FAM13C: variants seen among roughly 807,000 people sequenced by gnomAD.
FAM13C encodes protein FAM13C.
In FAM13C, 37 loss-of-function variants were observed where a neutral mutation model predicts 73.2. The observed-to-expected ratio is 0.51, with a 90% CI of 0.39 to 0.67. The LOEUF (loss-of-function observed/expected upper bound fraction) is 0.67. Among genes scored for constraint, FAM13C ranks in the 30% least tolerant of loss-of-function variants. FAM13C has a pLI of 0.00. For synonymous variants in FAM13C, 246 were observed against 260.9 expected, an observed-to-expected ratio of 0.94 and a Z score of 0.55; for missense variants, 589 against 715.6, an observed-to-expected ratio of 0.82 and a Z score of 2.02.
At chr10:59,339,687 C>T (rs1308866559) in intron 3 of FAM13C, among the ~76,000 whole-genome samples, 1 of 152,122 alleles carries the variant, frequency 6.6e-6, no homozygotes, top group African/African-American at 2.4e-5. Context: ...CGTTACCAAA[C>T]CTAATTTGGA....
intron 3 of FAM13C, among the ~76,000 whole-genome samples, chr10:59,332,252 G>C (rs1238089220): frequency 6.6e-6 from 1 of 152,104 alleles, no homozygotes; most frequent in Non-Finnish European, 1.5e-5. Flanking sequence ...GTGTGTGTGT[G>C]TGTGTATTAT....
At chr10:59,276,733 G>C (rs1009728818) in intron 6 of FAM13C, among the ~76,000 whole-genome samples, 1 of 152,150 alleles carries the variant, frequency 6.6e-6, no homozygotes, top group Non-Finnish European at 1.5e-5. Context: ...CATGGAAGAA[G>C]AAATTTTTAA....
At chr10:59,304,912 C>A (rs930377962) in intron 4 of FAM13C, among the ~76,000 whole-genome samples, 7 of 151,314 alleles carry the variant, frequency 4.6e-5, no homozygotes, top group African/African-American at 1.7e-4. Context: ...AAGAGTCTGG[C>A]TTCCTTGGTT....
intron 4 of FAM13C, among the ~76,000 whole-genome samples, chr10:59,304,970 C>G (rs915673859): frequency 2.0e-5 from 3 of 152,160 alleles, no homozygotes; most frequent in Non-Finnish European, 2.9e-5. Flanking sequence ...TTCAAGCCAA[C>G]TCCCCTTTGC....
At chr10:59,291,538 C>G (rs1304713084) in intron 5 of FAM13C, among the ~76,000 whole-genome samples, 2 of 152,150 alleles carry the variant, frequency 1.3e-5, no homozygotes, top group African/African-American at 2.4e-5. Context: ...CTTTAAGGAG[C>G]CTTCTGTTGA....
chr10:59,343,867 C>T (rs1289969979), intron 3 of FAM13C, among the ~76,000 whole-genome samples: 1 of 152,058 alleles, frequency 6.6e-6, no homozygotes, highest in African/African-American at 2.4e-5. Flanking sequence ...TCAGCCTAGC[C>T]CACCACATGA....
chr10:59,283,273 C>T (rs563421443), intron 6 of FAM13C, 90 bp downstream of exon 6: 2 of 1,386,770 alleles, frequency 1.4e-6, no homozygotes, highest in East Asian at 4.6e-5. Context: ...GCACTGTTTT[C>T]CCTCAGGGGC....
chr10:59,345,886 C>T (rs1338375290), intron 3 of FAM13C, among the ~76,000 whole-genome samples: 1 of 152,172 alleles, frequency 6.6e-6, no homozygotes, highest in Non-Finnish European at 1.5e-5. Flanking sequence ...AATAATACAA[C>T]ATGAACTAAG....
At chr10:59,355,307 C>T (rs1855567384) in intron 2 of FAM13C, among the ~76,000 whole-genome samples, 1 of 152,166 alleles carries the variant, frequency 6.6e-6, no homozygotes, top group African/African-American at 2.4e-5. Flanking sequence ...AGTAAGTGGA[C>T]TTTAAAGTCA....
chr10:59,328,541 A>G (rs544100508), intron 3 of FAM13C, among the ~76,000 whole-genome samples: 11 of 152,262 alleles, frequency 7.2e-5, no homozygotes, highest in African/African-American at 2.4e-4. Flanking sequence ...CACCATTCTA[A>G]TCCCAGATCT....
chr10:59,362,365 T>G (rs939690737), intron 1 of FAM13C, 34 bp downstream of exon 1: 4 of 1,610,434 alleles, frequency 2.5e-6, no homozygotes, highest in Non-Finnish European at 2.5e-6. Flanking sequence ...GAGAAAGGCA[T>G]GCAAGTCTAA....
intron 3 of FAM13C, among the ~76,000 whole-genome samples, chr10:59,325,783 A>T (rs911702664): frequency 6.6e-6 from 1 of 152,192 alleles, no homozygotes; most frequent in Non-Finnish European, 1.5e-5. Flanking sequence ...AAATTTTCTT[A>T]AAGCTCAATA....
intron 3 of FAM13C, among the ~76,000 whole-genome samples, chr10:59,326,705 C>T (rs917204228): frequency 6.6e-6 from 1 of 152,110 alleles, no homozygotes; most frequent in Non-Finnish European, 1.5e-5. Context: ...GGGCAAATAG[C>T]CCCAGCAAAG....
At chr10:59,345,627 T>G (rs1045388202) in intron 3 of FAM13C, among the ~76,000 whole-genome samples, 5 of 152,334 alleles carry the variant, frequency 3.3e-5, no homozygotes, top group African/African-American at 9.6e-5. Flanking sequence ...CAGAATCTGA[T>G]AGACCACAGG....
chr10:59,317,362 C>A (rs1330933472), intron 4 of FAM13C, among the ~76,000 whole-genome samples: 1 of 152,074 alleles, frequency 6.6e-6, no homozygotes, highest in Non-Finnish European at 1.5e-5. Flanking sequence ...CTCCTATAAT[C>A]ATTATTGAAA....
chr10:59,298,386 G>A, intron 5 of FAM13C, among the ~76,000 whole-genome samples: 1 of 152,148 alleles, frequency 6.6e-6, no homozygotes, highest in East Asian at 1.9e-4. Flanking sequence ...TTATCCAAAA[G>A]GTAAATGCAG....
At chr10:59,305,737 A>G (rs915463953) in intron 4 of FAM13C, among the ~76,000 whole-genome samples, 4 of 152,218 alleles carry the variant, frequency 2.6e-5, no homozygotes, top group Non-Finnish European at 4.4e-5. Context: ...AATGTCCTCC[A>G]TGCCTGAACA....
At chr10:59,262,700 A>G in intron 9 of FAM13C, 55 bp from the exon 10 acceptor site, 1 of 1,456,910 alleles carries the variant, frequency 6.9e-7, no homozygotes, top group East Asian at 2.3e-5. Context: ...AGTTCTAAGA[A>G]TGGAGAGACT....
chr10:59,251,471 T>A lies in FAM13C; in HGVS notation c.1634+104A>T, dbSNP rs777469392. The A allele has an allele frequency of 4.3e-6, 4 of 931,104 alleles. No individual in the cohort carries two copies. The South Asian group carries it at 5.3e-5, about 12-fold the overall frequency. The allele number at this position is 931,104 out of a possible 1,614,324, so 57.7% of individuals were successfully genotyped here. On this transcript the variant is annotated intron_variant, in intron 13 of 13. Transcript: ENST00000618804. Reference sequence around the variant, plus strand: ...AGTCTAAGCCAGTGTGGAAATTATATACATTTTGTAAAAAGTCACCGTTCC... The same window carrying A: ...AGTCTAAGCCAGTGTGGAAATTATAAACATTTTGTAAAAAGTCACCGTTCC...
Sources: allele counts gnomAD v4.1 joint callset (sites outside exome capture counted in the v4.1 genomes callset), GRCh38; gene constraint gnomAD v4.1.1; transcripts MANE v1.5; gene names NCBI Gene and HGNC (gene_info 2026-07-23, HGNC 2026-07-21).